Variants in CCDC32 observed in about 807,000 individuals in gnomAD.
CCDC32 encodes the protein coiled-coil domain-containing protein 32.
CCDC32 carries 9 observed loss-of-function variants against 20.1 expected under a neutral mutation model. The ratio of observed to expected loss-of-function variants is 0.45; its 90% CI spans 0.27 to 0.78. The LOEUF is 0.78. Ranked by LOEUF, CCDC32 falls within the 30% of genes least tolerant of loss-of-function variation. The pLI, the probability that CCDC32 is intolerant of heterozygous loss-of-function variation, is 0.16. For synonymous variants in CCDC32, 63 were observed against 79.0 expected (o/e 0.80, Z 1.07); for missense variants, 204 against 215.5 (o/e 0.95, Z 0.33).
chr15:40,533,732 C>A (rs1888987420), downstream of CCDC32, among the ~76,000 whole-genome samples: 1 of 151,618 alleles, frequency 6.6e-6, no homozygotes, highest in Non-Finnish European at 1.5e-5. Flanking sequence ...TATAAGATGC[C>A]AAATAATGTG....
At chr15:40,550,663 G>A (rs2141624828), downstream of CCDC32, among the ~76,000 whole-genome samples, 1 of 152,318 alleles carries the variant, frequency 6.6e-6, no homozygotes, top group African/African-American at 2.4e-5. Flanking sequence ...TAGAGCCATT[G>A]TTTACGCTGT....
downstream of CCDC32, chr15:40,531,898 A>G (rs1888891895): frequency 6.4e-6 from 1 of 157,154 alleles, no homozygotes; most frequent in Non-Finnish European, 1.4e-5. Flanking sequence ...ATGAAAAGAC[A>G]TGTTATTATT....
chr15:40,526,767 G>A (rs576866272), downstream of CCDC32, among the ~76,000 whole-genome samples: 2 of 152,236 alleles, frequency 1.3e-5, no homozygotes, highest in Admixed American at 1.3e-4. Flanking sequence ...ACAAAAATTA[G>A]CTGGGCATGG....
At position 40,553,997 on chromosome 15, in the gene CCDC32, C is replaced by T. The variant is rs201149010; in HGVS notation, c.532G>A (p.Asp178Asn). 1.2e-6 allele frequency: 2 copies of T among 1,611,178 alleles called. No homozygotes were observed. Among genetic ancestry groups the T allele is most frequent in the Non-Finnish European group, 1.7e-6 (2 of 1,179,358 alleles). ...PVAEDEPAAG[D>N]KPAAAEQ is the part of the protein sequence containing the mutation. The stretch of plus-strand genomic sequence containing the variant: ...TACTGTTCTGCTGCTGCTGGCTTGT[C>T]CCCGGCTGCTGGCTCGTCCTCGGCC... Residue 178 changes from aspartate (D) to asparagine (N), a missense_variant, in exon 4 of 4, where the codon GAC (aspartate) becomes AAC (asparagine). Physicochemically the swap from Asp to Asn is conservative, Grantham distance 23 (BLOSUM62 1). Transcript: ENST00000416810.
At chr15:40,542,837 G>A (rs1889452872) in intron 3 of CCDC32, among the ~76,000 whole-genome samples, 3 of 148,924 alleles carry the variant, frequency 2.0e-5, no homozygotes, top group South Asian at 2.1e-4. Flanking sequence ...GGGACAGAGC[G>A]AGACTTTGTC....
rs527666145 is a variant in CCDC32 at position 40,547,878 on chromosome 15, G to A, written c.402-8523C>T. ...CTTTTCTCCATGAACCCCAGGGGAG[G>A]CCTGTACAAAAAAGGTTGCCTTTGC... is the stretch of plus-strand genomic sequence containing the variant. On this transcript the variant is annotated intron_variant, in intron 3 of 3. Coordinates refer to the CCDC32 transcript ENST00000558113. Among the ~76,000 whole-genome samples the A allele has an allele frequency of 2.1e-4, 32 of 152,268 alleles. 1 individual carries two copies. The South Asian group carries it at 6.4e-3, about 31-fold the overall frequency.
chr15:40,528,605 C>T (rs79249922), downstream of CCDC32: 7,970 of 605,054 alleles, frequency 0.013, 522 homozygotes, highest in African/African-American at 0.13. Flanking sequence ...GAGGGGAAGA[C>T]ACCAGGTCTG....
At chr15:40,532,388 A>C, downstream of CCDC32, 1 of 689,140 alleles carries the variant, frequency 1.5e-6, no homozygotes. Flanking sequence ...GTTCTCTTTG[A>C]TATCACCCGT....
At chr15:40,544,087 T>C (rs1425341373) in intron 3 of CCDC32, among the ~76,000 whole-genome samples, 1 of 152,164 alleles carries the variant, frequency 6.6e-6, no homozygotes, top group African/African-American at 2.4e-5. Context: ...CCCATTCTCA[T>C]ATGGTTCTGG....
At chr15:40,564,521 C>T (rs1255132756) in intron 1 of CCDC32, among the ~76,000 whole-genome samples, 1 of 152,026 alleles carries the variant, frequency 6.6e-6, no homozygotes, top group Non-Finnish European at 1.5e-5. Context: ...AGCCTGGAGG[C>T]TTTTATAACT....
chr15:40,546,056 G>T (rs1889605137), intron 3 of CCDC32, among the ~76,000 whole-genome samples: 2 of 152,118 alleles, frequency 1.3e-5, no homozygotes, highest in South Asian at 4.1e-4. Context: ...TTAGTTCAGA[G>T]AATTTTTATT....
chr15:40,538,532 T>C (rs2141606913), downstream of CCDC32: 1 of 152,344 alleles, frequency 6.6e-6, no homozygotes, highest in Non-Finnish European at 1.5e-5. Flanking sequence ...CTGGTTCGAA[T>C]TAGCGGGAAG....
intron 3 of CCDC32, among the ~76,000 whole-genome samples, chr15:40,543,651 C>T (rs766118822): frequency 2.0e-5 from 3 of 152,106 alleles, no homozygotes; most frequent in Non-Finnish European, 4.4e-5. Context: ...AATGGAGTTT[C>T]CCCATATTGG....
chr15:40,535,179 A>G, downstream of CCDC32: 1 of 1,266,094 alleles, frequency 7.9e-7, no homozygotes, highest in South Asian at 1.5e-5. Flanking sequence ...GTGGCATATA[A>G]GATGAATGGA....
chr15:40,563,095 G>T, intron 1 of CCDC32, 68 bp from the exon 2 acceptor site: 1 of 1,525,144 alleles, frequency 6.6e-7, no homozygotes, highest in Non-Finnish European at 8.8e-7. Context: ...GAGCACAGTG[G>T]CTCACGACTG....
At chr15:40,556,924 A>G in intron 3 of CCDC32, 2 of 253,254 alleles carry the variant, frequency 7.9e-6, no homozygotes, top group Non-Finnish European at 1.5e-5. Flanking sequence ...AATCTCTCTG[A>G]GGAGTAAATG....
chr15:40,551,133 A>C (rs968198289), downstream of CCDC32, among the ~76,000 whole-genome samples: 3 of 152,182 alleles, frequency 2.0e-5, no homozygotes, highest in Non-Finnish European at 4.4e-5. Flanking sequence ...CTGTAATCCC[A>C]CCACTTTGGG....
chr15:40,521,752 A>G, the CCDC32 span, among the ~76,000 whole-genome samples: 1 of 152,166 alleles, frequency 6.6e-6, no homozygotes, highest in African/African-American at 2.4e-5. Context: ...CCATTTCTGT[A>G]TCTTCTTTGG....
In CCDC32 at chr15:40,539,840, C is replaced by CCACACACACACACACACACACACA. The variant is rs142688774; in HGVS notation, c.402-509_402-486dup. ...CCTAATAAGAGTGATCAAACTGTTG[C>CCACACACACACACACACACACACA]CACACACACACACACACACACACAC... On this transcript the variant is annotated intron_variant, in intron 3 of 3. Coordinates refer to the CCDC32 transcript ENST00000558113. Among the ~76,000 whole-genome samples, 259 of 134,618 alleles carry CCACACACACACACACACACACACA rather than the reference C, an allele frequency of 1.9e-3. 3 individuals carry two copies. The highest frequency in any genetic ancestry group is 5.2e-3 in the Admixed American group (65 of 12,466). 88.3% of individuals were successfully genotyped at this position (134,618 alleles called of 152,430 possible).
Sources: gnomAD v4.1 joint callset for allele counts (sites outside exome capture counted in the v4.1 genomes callset) on GRCh38, gnomAD v4.1.1 for gene constraint, MANE v1.5 for transcripts, NCBI Gene and HGNC (gene_info 2026-07-23, HGNC 2026-07-21) for gene names.